SNX29: variants seen among roughly 807,000 people sequenced by gnomAD.
SNX29 encodes the protein sorting nexin 29.
In SNX29, 78 loss-of-function variants were observed where a neutral mutation model predicts 102.1. The ratio of observed to expected loss-of-function variants is 0.76; its 90% CI spans 0.64 to 0.92. SNX29 has a LOEUF of 0.92. SNX29 is among the 40% of genes least tolerant of loss of function. The pLI is 0.00. For synonymous variants in SNX29, 580 were observed against 414.5 expected (o/e 1.40, Z -4.85); for missense variants, 1,280 against 1,061.7 (o/e 1.21, Z -2.86).
At chr16:12,072,341 C>T (rs1322122560) in intron 10 of SNX29, among the ~76,000 whole-genome samples, 1 of 152,150 alleles carries the variant, frequency 6.6e-6, no homozygotes, top group African/African-American at 2.4e-5. Context: ...AGATACGTCC[C>T]ATCAATACCT....
chr16:12,013,488 G>GGAAAAAA (rs781538940), intron 3 of SNX29, among the ~76,000 whole-genome samples: 4 of 12,980 alleles, frequency 3.1e-4, no homozygotes, highest in African/African-American at 3.8e-4. Flanking sequence ...TCTACTGGGG[G>GGAAAAAA]AAAAAAAAAA....
At chr16:12,467,647 C>T (rs1291305751) in intron 18 of SNX29, among the ~76,000 whole-genome samples, 1 of 136,116 alleles carries the variant, frequency 7.3e-6, no homozygotes, top group African/African-American at 3.4e-5. Flanking sequence ...TTCATTCATT[C>T]ATTCATTCCA....
At chr16:12,468,045 C>T (rs2087144695) in intron 18 of SNX29, among the ~76,000 whole-genome samples, 1 of 152,108 alleles carries the variant, frequency 6.6e-6, no homozygotes, top group Non-Finnish European at 1.5e-5. Flanking sequence ...CCTCGTCCTC[C>T]CTGCCCCAGC....
At chr16:12,110,431 C>T (rs191902089) in intron 11 of SNX29, among the ~76,000 whole-genome samples, 16 of 152,252 alleles carry the variant, frequency 1.1e-4, no homozygotes, top group African/African-American at 3.6e-4. Context: ...GGGTTTTGCA[C>T]AGATGACTCA....
At chr16:12,453,659 G>T (rs1389249950) in intron 18 of SNX29, among the ~76,000 whole-genome samples, 2 of 152,096 alleles carry the variant, frequency 1.3e-5, no homozygotes, top group African/African-American at 2.4e-5. Context: ...GGGATTAGAG[G>T]CATGAGCCAC....
chr16:12,274,041 CT>C (rs2079171350), intron 14 of SNX29, among the ~76,000 whole-genome samples: 1 of 152,164 alleles, frequency 6.6e-6, no homozygotes. Context: ...CTCTGGCTCC[CT>C]TTTGTGTTGC....
chr16:12,568,413 C>A (rs77085728), intron 20 of SNX29, 93 bp from the exon 21 acceptor site: 17 of 1,520,484 alleles, frequency 1.1e-5, no homozygotes, highest in Middle Eastern at 1.7e-4. Context: ...CCAATCAGAT[C>A]CCTCCTGCCC....
Position 12,443,190 on chromosome 16 carries a change from T to G in SNX29, c.2038-34529T>G, listed in dbSNP as rs138048153. 4 of 362,780 alleles carry G rather than the reference T, an allele frequency of 1.1e-5. No individual in the cohort carries two copies. In the Admixed American group the frequency reaches 1.5e-4, roughly 13 times the overall value. 22.5% of individuals were successfully genotyped at this position (362,780 alleles called of 1,614,324 possible). On this transcript the variant is annotated intron_variant, in intron 18 of 20. Coordinates refer to ENST00000566228, the MANE Select transcript of SNX29 (RefSeq NM_032167.5). ...CTGTCATGCTCCTTCCTATGGAAGCTGCTCAGTAGATCCTGCTGGGGACAT... is the reference window on the plus strand; with the variant it reads ...CTGTCATGCTCCTTCCTATGGAAGCGGCTCAGTAGATCCTGCTGGGGACAT...
chr16:12,458,102 CTG>C (rs1250345846), intron 18 of SNX29, among the ~76,000 whole-genome samples: 2 of 152,324 alleles, frequency 1.3e-5, no homozygotes, highest in East Asian at 1.9e-4. Flanking sequence ...GCAAAAAAGA[CTG>C]TGCATCTGTA....
intron 20 of SNX29, among the ~76,000 whole-genome samples, chr16:12,555,819 T>G (rs2078304538): frequency 6.6e-6 from 1 of 152,110 alleles, no homozygotes; most frequent in Non-Finnish European, 1.5e-5. Flanking sequence ...GCAAGAAAGG[T>G]GCTCCAGCTG....
At chr16:12,522,689 C>T (rs938959367) in intron 19 of SNX29, among the ~76,000 whole-genome samples, 13 of 152,178 alleles carry the variant, frequency 8.5e-5, no homozygotes, top group African/African-American at 2.9e-4. Flanking sequence ...CCTTTGCCTT[C>T]CACCATGATT....
chr16:12,389,090 A>G (rs1292968627), intron 16 of SNX29, among the ~76,000 whole-genome samples: 1 of 152,102 alleles, frequency 6.6e-6, no homozygotes, highest in East Asian at 1.9e-4. Context: ...ATTGTAGCGT[A>G]TCTTAGGAAA....
At chr16:12,416,687 T>C (rs2084651523) in intron 18 of SNX29, among the ~76,000 whole-genome samples, 1 of 152,166 alleles carries the variant, frequency 6.6e-6, no homozygotes, top group Admixed American at 6.5e-5. Context: ...CTTTTAGTCA[T>C]GGTGGAAGGT....
intron 16 of SNX29, among the ~76,000 whole-genome samples, chr16:12,359,806 A>G (rs2082250770): frequency 1.3e-5 from 2 of 152,188 alleles, no homozygotes; most frequent in South Asian, 2.1e-4. Flanking sequence ...CAATACCATT[A>G]TCACACCTAT....
chr16:12,421,739 GCATCACCATCATTATCAT>G (rs2084878033), intron 18 of SNX29, among the ~76,000 whole-genome samples: 1 of 152,038 alleles, frequency 6.6e-6, no homozygotes, highest in Non-Finnish European at 1.5e-5. Flanking sequence ...TCAATCAGAA[GCATCACCATCATTATCAT>G]CATCACCATC....
chr16:12,203,728 T>C (rs948680335), intron 14 of SNX29, among the ~76,000 whole-genome samples: 1 of 152,224 alleles, frequency 6.6e-6, no homozygotes, highest in South Asian at 2.1e-4. Context: ...GGCAGTGGGC[T>C]TCTCTTGGAC....
chr16:12,252,166 G>T (rs1171332329), intron 14 of SNX29, among the ~76,000 whole-genome samples: 2 of 152,266 alleles, frequency 1.3e-5, no homozygotes, highest in East Asian at 3.9e-4. Context: ...ATCCACAAGG[G>T]TTTCTGCATA....
chr16:12,353,877 G>T (rs990288548), intron 15 of SNX29, among the ~76,000 whole-genome samples: 1 of 152,224 alleles, frequency 6.6e-6, no homozygotes, highest in Non-Finnish European at 1.5e-5. Flanking sequence ...GTTACTTTGG[G>T]AAGATCATTG....
chr16:12,242,361 ATATATATT>A (rs1161374592), intron 14 of SNX29, among the ~76,000 whole-genome samples: 2 of 132,548 alleles, frequency 1.5e-5, no homozygotes, highest in African/African-American at 3.0e-5. Flanking sequence ...TAATATATAT[ATATATATT>A]TTTTTTTTTT....
Sources: gnomAD v4.1 joint callset for allele counts (sites outside exome capture counted in the v4.1 genomes callset) on GRCh38, gnomAD v4.1.1 for gene constraint, MANE v1.5 for transcripts, NCBI Gene and HGNC (gene_info 2026-07-23, HGNC 2026-07-21) for gene names.